The following GPC6 variants were observed in gnomAD, a reference collection of about 807,000 sequenced individuals.
GPC6 encodes glypican 6.
Under a neutral mutation model 55.2 loss-of-function variants are expected in GPC6, and 14 were observed. The ratio of observed to expected loss-of-function variants is 0.25; its 90% CI spans 0.17 to 0.40. The LOEUF (loss-of-function observed/expected upper bound fraction) is 0.40. GPC6 is among the 10% of genes least tolerant of loss of function. The probability of loss-of-function intolerance (pLI) is 1.00; values close to 1 mark genes in which losing one functional copy is unlikely to be tolerated. For synonymous variants in GPC6, 278 were observed against 259.6 expected (o/e 1.07, Z -0.68); for missense variants, 641 against 708.5 (o/e 0.90, Z 1.08).
At chr13:94,255,512 T>C (rs956810934) in intron 4 of GPC6, among the ~76,000 whole-genome samples, 1 of 152,162 alleles carries the variant, frequency 6.6e-6, no homozygotes, top group Admixed American at 6.5e-5. Flanking sequence ...CAACCTGAAC[T>C]TCTTGAAATA....
In GPC6 at chr13:93,293,142, C is replaced by T. The variant is rs191251376; in HGVS notation, c.160+65526C>T. ...GAACTACAGGCACACACCACCATCTCGGGCTAATTTTTTTCTATTTGTAGG... is the reference window on the plus strand; with the variant it reads ...GAACTACAGGCACACACCACCATCTTGGGCTAATTTTTTTCTATTTGTAGG... On this transcript the variant is annotated intron_variant, in intron 1 of 8. Coordinates refer to ENST00000377047, the MANE Select transcript of GPC6 (RefSeq NM_005708.5). Among the ~76,000 whole-genome samples, 57 of 152,078 alleles carry T rather than the reference C, an allele frequency of 3.7e-4. 1 individual carries two copies. In the Middle Eastern group the frequency reaches 0.014, roughly 36 times the overall value.
At chr13:93,913,498 G>C (rs2140338282) in intron 3 of GPC6, among the ~76,000 whole-genome samples, 1 of 152,114 alleles carries the variant, frequency 6.6e-6, no homozygotes, top group South Asian at 2.1e-4. Context: ...GTTTTGTTTT[G>C]TTTTGTTTTC....
At chr13:93,416,882 A>T (rs1334310137) in intron 1 of GPC6, among the ~76,000 whole-genome samples, 1 of 152,138 alleles carries the variant, frequency 6.6e-6, no homozygotes, top group East Asian at 1.9e-4. Context: ...TAAACAGCAG[A>T]GTCTGGCCTA....
chr13:93,830,668 T>C (rs536641390), intron 3 of GPC6, 123 bp downstream of exon 3: 3 of 817,976 alleles, frequency 3.7e-6, no homozygotes, highest in South Asian at 3.3e-5. Flanking sequence ...TTGGTGGTCC[T>C]TGCTCTTAAT....
At chr13:93,316,970 G>A (rs1301557093) in intron 1 of GPC6, among the ~76,000 whole-genome samples, 1 of 152,108 alleles carries the variant, frequency 6.6e-6, no homozygotes, top group Non-Finnish European at 1.5e-5. Context: ...AGCAAGCTAT[G>A]TTAGCACTGT....
chr13:94,278,348 G>A (rs1892273714), intron 4 of GPC6, among the ~76,000 whole-genome samples: 1 of 152,042 alleles, frequency 6.6e-6, no homozygotes, highest in South Asian at 2.1e-4. Flanking sequence ...TGAGATGATG[G>A]GCTTTTCTAA....
At chr13:94,373,191 G>A (rs2139195481) in intron 6 of GPC6, among the ~76,000 whole-genome samples, 1 of 152,240 alleles carries the variant, frequency 6.6e-6, no homozygotes, top group Non-Finnish European at 1.5e-5. Flanking sequence ...TTCCTCACCA[G>A]CAATGGAACA....
At chr13:93,314,738 T>A (rs1464754020) in intron 1 of GPC6, among the ~76,000 whole-genome samples, 1 of 119,276 alleles carries the variant, frequency 8.4e-6, no homozygotes, top group Admixed American at 8.8e-5. Context: ...TGTGTGTGTG[T>A]GTGTGTGTGT....
At chr13:94,325,483 A>G (rs1877069220) in intron 6 of GPC6, among the ~76,000 whole-genome samples, 1 of 152,228 alleles carries the variant, frequency 6.6e-6, no homozygotes, top group African/African-American at 2.4e-5. Flanking sequence ...TTTGGGATTC[A>G]AGGTCCTCAT....
intron 2 of GPC6, among the ~76,000 whole-genome samples, chr13:93,676,382 A>C (rs1881634351): frequency 6.6e-6 from 1 of 151,490 alleles, no homozygotes; most frequent in African/African-American, 2.4e-5. Context: ...ACACCACTAC[A>C]CTCCAGCCTG....
intron 2 of GPC6, among the ~76,000 whole-genome samples, chr13:93,589,876 G>A (rs989741937): frequency 3.9e-5 from 6 of 152,140 alleles, no homozygotes; most frequent in East Asian, 3.9e-4. Context: ...GAGCATTTAA[G>A]GGGATAAAAC....
chr13:93,854,638 A>G (rs954800188), intron 3 of GPC6, among the ~76,000 whole-genome samples: 11 of 151,790 alleles, frequency 7.2e-5, no homozygotes, highest in African/African-American at 2.7e-4. Context: ...AAGCATCTAC[A>G]TACATGGAAT....
At chr13:93,737,728 A>T (rs1445313923) in intron 2 of GPC6, among the ~76,000 whole-genome samples, 2 of 152,094 alleles carry the variant, frequency 1.3e-5, no homozygotes, top group Admixed American at 1.3e-4. Context: ...ATTTTTTATA[A>T]AATGTTCCTA....
intron 1 of GPC6, among the ~76,000 whole-genome samples, chr13:93,501,311 C>G (rs1443645857): frequency 6.6e-6 from 1 of 151,892 alleles, no homozygotes; most frequent in African/African-American, 2.4e-5. Flanking sequence ...AATAATCAGC[C>G]CCAAGAACTA....
Position 94,265,261 on chromosome 13 carries a change from A to T in GPC6, c.878-21088A>T, listed in dbSNP as rs537387733. Among the ~76,000 whole-genome samples the T allele has an allele frequency of 1.6e-4, 25 of 152,374 alleles. No individual in the cohort carries two copies. In the South Asian group the frequency reaches 4.6e-3, roughly 28 times the overall value. On this transcript the variant is annotated intron_variant, in intron 4 of 8. Transcript: ENST00000377047. ...GGGGAGTTTATTAAGTATTAAACTC[A>T]CATGATTACAAGTTCCCACAATAAG...
chr13:94,331,645 C>T (rs1328726101), intron 6 of GPC6, among the ~76,000 whole-genome samples: 1 of 152,094 alleles, frequency 6.6e-6, no homozygotes, highest in African/African-American at 2.4e-5. Context: ...TGAGTGTCCA[C>T]CTAAAATGGA....
At chr13:93,912,547 T>G (rs911529478) in intron 3 of GPC6, among the ~76,000 whole-genome samples, 1 of 151,922 alleles carries the variant, frequency 6.6e-6, no homozygotes, top group Non-Finnish European at 1.5e-5. Flanking sequence ...ATCGAGACCA[T>G]CCTGGCTAAC....
intron 4 of GPC6, among the ~76,000 whole-genome samples, chr13:94,240,186 G>A (rs910444929): frequency 1.3e-5 from 2 of 152,102 alleles, no homozygotes; most frequent in South Asian, 4.1e-4. Context: ...CCAGCTAGCA[G>A]AAACTGGGCT....
intron 3 of GPC6, among the ~76,000 whole-genome samples, chr13:93,895,078 C>A (rs1447241906): frequency 2.0e-5 from 3 of 149,814 alleles, no homozygotes; most frequent in Non-Finnish European, 4.4e-5. Flanking sequence ...ATATTTTCAC[C>A]TCTAAGTCCA....
Sources: gnomAD v4.1 joint callset for allele counts (sites outside exome capture counted in the v4.1 genomes callset) on GRCh38, gnomAD v4.1.1 for gene constraint, MANE v1.5 for transcripts, NCBI Gene and HGNC (gene_info 2026-07-23, HGNC 2026-07-21) for gene names.